CHEK1: variants seen among roughly 807,000 people sequenced by gnomAD.
CHEK1 encodes the protein checkpoint kinase 1.
A neutral mutation model predicts 60.2 loss-of-function variants in CHEK1; 32 were observed. The observed-to-expected ratio is 0.53, with a 90% CI of 0.40 to 0.71. The LOEUF (loss-of-function observed/expected upper bound fraction) is 0.71, where lower values mean the gene tolerates loss of function less well. Among genes scored for constraint, CHEK1 ranks in the 30% least tolerant of loss-of-function variants. The pLI, the probability that CHEK1 is intolerant of heterozygous loss-of-function variation, is 0.00. For synonymous variants in CHEK1, 179 were observed against 187.2 expected, an observed-to-expected ratio of 0.96 and a Z score of 0.36; for missense variants, 399 against 564.6, an observed-to-expected ratio of 0.71 and a Z score of 2.97.
intron 13 of CHEK1, among the ~76,000 whole-genome samples, chr11:125,666,148 T>C (rs1327733443): frequency 6.6e-6 from 1 of 151,838 alleles, no homozygotes; most frequent in Admixed American, 6.6e-5. Flanking sequence ...AGATTTCCTT[T>C]TTAGCACTAT....
chr11:125,664,151 C>T (rs1294262323), intron 13 of CHEK1, among the ~76,000 whole-genome samples: 1 of 151,812 alleles, frequency 6.6e-6, no homozygotes, highest in Non-Finnish European at 1.5e-5. Context: ...AGGATAATAG[C>T]CATTTTAACA....
At chr11:125,660,548 T>C (rs1449128622), downstream of CHEK1, among the ~76,000 whole-genome samples, 1 of 151,968 alleles carries the variant, frequency 6.6e-6, no homozygotes, top group Non-Finnish European at 1.5e-5. Context: ...TTTTGCTTTA[T>C]ACATTTTGGG....
At chr11:125,663,254 T>C (rs984594075) in intron 13 of CHEK1, among the ~76,000 whole-genome samples, 1 of 152,190 alleles carries the variant, frequency 6.6e-6, no homozygotes, top group African/African-American at 2.4e-5. Context: ...TTTTTTCTTA[T>C]ATGGATCATG....
At chr11:125,640,468 G>C (rs1180378094) in intron 8 of CHEK1, among the ~76,000 whole-genome samples, 4 of 151,504 alleles carry the variant, frequency 2.6e-5, no homozygotes, top group Admixed American at 6.6e-5. Flanking sequence ...GTGAACCCCG[G>C]GGGGCGGAGC....
chr11:125,675,146 T>C (rs144802593), intron 13 of CHEK1, among the ~76,000 whole-genome samples: 4 of 152,192 alleles, frequency 2.6e-5, no homozygotes, highest in Non-Finnish European at 5.9e-5. Flanking sequence ...AACATTAGGA[T>C]TTTTTAAAGT....
intron 13 of CHEK1, among the ~76,000 whole-genome samples, chr11:125,669,573 G>C (rs1350736259): frequency 4.2e-5 from 6 of 143,512 alleles, no homozygotes; most frequent in African/African-American, 1.6e-4. Context: ...GCCCAGGCTG[G>C]AGTACAGTGG....
chr11:125,627,664 T>C lies in CHEK1; in HGVS notation c.123T>C (p.Asp41=), dbSNP rs745680934. 2 of 1,613,958 alleles carry C rather than the reference T, an allele frequency of 1.2e-6. No homozygotes were observed. The highest frequency in any genetic ancestry group is 2.2e-5 in the East Asian group (1 of 44,832). Residue 41 remains aspartate (D), a synonymous_variant, in exon 3 of 13, where the codon GAT becomes GAC. Transcript: ENST00000438015. ...AAGCAGTCGCAGTGAAGATTGTAGA[T>C]ATGAAGCGTGCCGTAGACTGTCCAG... ...TEEAVAVKIV[D]MKRAVDCPEN... is the part of the protein sequence containing the mutation.
downstream of CHEK1, among the ~76,000 whole-genome samples, chr11:125,661,636 C>T (rs1355268655): frequency 6.6e-6 from 1 of 152,068 alleles, no homozygotes; most frequent in African/African-American, 2.4e-5. Context: ...TTAAAAATCA[C>T]TGTATTTATC....
At chr11:125,664,232 ATTT>A (rs34554687) in intron 13 of CHEK1, among the ~76,000 whole-genome samples, 4 of 129,342 alleles carry the variant, frequency 3.1e-5, no homozygotes, top group African/African-American at 2.9e-5. Context: ...ATGTTGAACT[ATTT>A]TTTTTTTTTT....
chr11:125,627,683 T>G lies in CHEK1; in HGVS notation c.142T>G (p.Cys48Gly). 1.2e-6 allele frequency: 2 copies of G among 1,613,984 alleles called. No homozygotes were observed. The highest frequency in any genetic ancestry group is 1.7e-6 in the Non-Finnish European group (2 of 1,179,942). ...KIVDMKRAVDCPENIKKEICI... is the reference protein window; with the variant it reads ...KIVDMKRAVDGPENIKKEICI... Reference sequence around the variant, plus strand: ...TGTAGATATGAAGCGTGCCGTAGACTGTCCAGAAAATATTAAGAAAGAGAT... The same window carrying G: ...TGTAGATATGAAGCGTGCCGTAGACGGTCCAGAAAATATTAAGAAAGAGAT... Residue 48 changes from cysteine (C) to glycine (G), a missense_variant, in exon 3 of 13, where the codon TGT becomes GGT. Cys to Gly is a radical substitution (Grantham distance 159). Around this residue, in one of 2 missense-constraint regions of CHEK1, gnomAD observed 370 missense variants for 494.8 expected, o/e 0.75. Coordinates refer to ENST00000438015, the MANE Select transcript of CHEK1 (RefSeq NM_001114122.3).
chr11:125,676,606 G>T, downstream of CHEK1: 2 of 1,188,404 alleles, frequency 1.7e-6, no homozygotes, highest in East Asian at 2.4e-5. Context: ...AGTTCTTTTT[G>T]GGGATCTGGG....
At chr11:125,643,323 C>CCA (rs1941373198) in intron 8 of CHEK1, 1 of 107,904 alleles carries the variant, frequency 9.3e-6, no homozygotes, top group African/African-American at 3.8e-5. Context: ...CCTAAAAATA[C>CCA]AAAAAAAAAA....
At chr11:125,642,534 A>G (rs1165249957) in intron 8 of CHEK1, among the ~76,000 whole-genome samples, 1 of 152,234 alleles carries the variant, frequency 6.6e-6, no homozygotes, top group African/African-American at 2.4e-5. Flanking sequence ...AATAAAAAGC[A>G]GGTTTAAAAA....
intron 11 of CHEK1, among the ~76,000 whole-genome samples, chr11:125,646,977 G>A (rs1229216851): frequency 2.0e-5 from 3 of 152,064 alleles, no homozygotes; most frequent in Non-Finnish European, 4.4e-5. Flanking sequence ...ATGAATTCCA[G>A]TGGATCTATA....
chr11:125,636,967 ATC>A (rs754749157), intron 7 of CHEK1, among the ~76,000 whole-genome samples: 7 of 152,168 alleles, frequency 4.6e-5, no homozygotes, highest in Non-Finnish European at 8.8e-5. Context: ...TTAGGAAATA[ATC>A]TTCACATAGG....
intron 13 of CHEK1, among the ~76,000 whole-genome samples, chr11:125,673,406 T>G (rs1028148111): frequency 4.6e-5 from 7 of 152,000 alleles, no homozygotes; most frequent in African/African-American, 1.7e-4. Flanking sequence ...TTTCACCATG[T>G]TGGTCAGGCT....
chr11:125,670,838 T>C (rs1485020378), intron 13 of CHEK1, among the ~76,000 whole-genome samples: 2 of 152,228 alleles, frequency 1.3e-5, no homozygotes, highest in Non-Finnish European at 2.9e-5. Context: ...TGGAGGAGCT[T>C]TCAAATCTTT....
intron 13 of CHEK1, chr11:125,672,061 GA>G (rs1379960748): frequency 6.6e-6 from 1 of 152,338 alleles, no homozygotes; most frequent in Non-Finnish European, 1.5e-5. Flanking sequence ...AAGAGCCAAA[GA>G]AGAGTTGAGT....
intron 11 of CHEK1, among the ~76,000 whole-genome samples, chr11:125,652,672 T>G (rs535961145): frequency 6.6e-6 from 1 of 152,314 alleles, no homozygotes; most frequent in East Asian, 1.9e-4. Context: ...TTACTCCTGT[T>G]ATGGAGGTAG....
Sources: gnomAD v4.1 joint callset for allele counts (sites outside exome capture counted in the v4.1 genomes callset) on GRCh38, gnomAD v4.1.1 for gene constraint, gnomAD v4.1.1 regional missense constraint, MANE v1.5 for transcripts, NCBI Gene and HGNC (gene_info 2026-07-23, HGNC 2026-07-21) for gene names.